The following DUS2 variants were observed in gnomAD, a reference collection of about 807,000 sequenced individuals.
DUS2 encodes the protein tRNA-dihydrouridine(20) synthase [NAD(P)+]-like.
In DUS2, 52 loss-of-function variants were observed where a neutral mutation model predicts 71.3. The ratio of observed to expected loss-of-function variants is 0.73; its 90% CI spans 0.58 to 0.92. The LOEUF (loss-of-function observed/expected upper bound fraction) is 0.92. Ranked by LOEUF, DUS2 falls within the 40% of genes least tolerant of loss-of-function variation. DUS2 has a pLI of 0.00. For synonymous variants in DUS2, 204 were observed against 227.8 expected, an observed-to-expected ratio of 0.90 and a Z score of 0.94; for missense variants, 558 against 622.6, an observed-to-expected ratio of 0.90 and a Z score of 1.10.
In DUS2 at chr16:68,064,056, A is replaced by G. The variant is rs146074009; in HGVS notation, c.418-2261A>G. Among the ~76,000 whole-genome samples the G allele has an allele frequency of 4.1e-3, 618 of 152,320 alleles. 5 individuals carry two copies. The highest frequency in any genetic ancestry group is 0.014 in the African/African-American group (588 of 41,566). The stretch of plus-strand genomic sequence containing the variant: ...GCCATGGCTGACAATTGGCAGGGCC[A>G]GGACATGAACTCAGGTCTCAGTGCT... On this transcript the variant is annotated intron_variant, in intron 8 of 16. Coordinates refer to ENST00000565263, the MANE Select transcript of DUS2 (RefSeq NM_017803.5).
intron 3 of DUS2, among the ~76,000 whole-genome samples, chr16:68,048,684 C>T (rs1598306777): frequency 6.6e-6 from 1 of 152,232 alleles, no homozygotes. Flanking sequence ...GGTCATTGTG[C>T]CCACTTGGCT....
intron 4 of DUS2, 47 bp downstream of exon 4, chr16:68,049,597 T>A (rs374105314): frequency 6.3e-7 from 1 of 1,581,738 alleles, no homozygotes; most frequent in Non-Finnish European, 8.7e-7. Context: ...CCTGCTGGGC[T>A]CAAGCAGCAC....
At chr16:68,073,833 C>T (rs559071911) in intron 12 of DUS2, among the ~76,000 whole-genome samples, 14 of 152,130 alleles carry the variant, frequency 9.2e-5, no homozygotes, top group Non-Finnish European at 1.9e-4. Context: ...AAGCAGTCCT[C>T]CTGCATTGGC....
chr16:68,051,706 AG>A (rs2033781126), intron 4 of DUS2, among the ~76,000 whole-genome samples: 1 of 152,094 alleles, frequency 6.6e-6, no homozygotes, highest in Admixed American at 6.6e-5. Context: ...TTCTGTTTAA[AG>A]GCATATTATT....
At chr16:68,024,568 G>A (rs1242349670) in intron 1 of DUS2, among the ~76,000 whole-genome samples, 4 of 152,084 alleles carry the variant, frequency 2.6e-5, no homozygotes, top group African/African-American at 9.7e-5. Context: ...TAAAAACTTT[G>A]CTTTTTTTGG....
At chr16:68,066,763 A>AT in intron 10 of DUS2, 127 bp downstream of exon 10, 1 of 925,678 alleles carries the variant, frequency 1.1e-6, no homozygotes, top group Non-Finnish European at 1.7e-6. Context: ...ACCTCTGCCT[A>AT]GCTCTTTGAT....
chr16:68,076,025 T>C (rs753664948), intron 14 of DUS2, among the ~76,000 whole-genome samples: 1 of 152,154 alleles, frequency 6.6e-6, no homozygotes, highest in African/African-American at 2.4e-5. Context: ...CAGTCTTGTC[T>C]GGCAGAGGTG....
At chr16:68,036,778 C>T (rs2033536503) in intron 2 of DUS2, among the ~76,000 whole-genome samples, 1 of 152,146 alleles carries the variant, frequency 6.6e-6, no homozygotes, top group Non-Finnish European at 1.5e-5. Flanking sequence ...TCCTGCTGTT[C>T]CTCTAACACA....
Position 68,046,073 on chromosome 16 carries a change from G to A in DUS2, c.127-3432G>A, listed in dbSNP as rs531312865. Among the ~76,000 whole-genome samples the A allele has an allele frequency of 1.7e-4, 26 of 152,156 alleles. No homozygotes were observed. In the South Asian group the frequency reaches 5.4e-3, roughly 32 times the overall value. ...TTATTTTCAAAATTTTAGATTCAGG[G>A]GTATATATGCGGATTTGTTACAAGG... On this transcript the variant is annotated intron_variant, in intron 3 of 16. Coordinates refer to ENST00000565263, the MANE Select transcript of DUS2 (RefSeq NM_017803.5).
intron 8 of DUS2, among the ~76,000 whole-genome samples, chr16:68,066,030 C>T (rs1054074992): frequency 2.0e-5 from 3 of 152,162 alleles, no homozygotes; most frequent in Non-Finnish European, 4.4e-5. Context: ...GAGCTGCACA[C>T]AGGTGTACAC....
At chr16:68,063,815 C>T (rs1449455823) in intron 8 of DUS2, among the ~76,000 whole-genome samples, 3 of 152,200 alleles carry the variant, frequency 2.0e-5, no homozygotes, top group Admixed American at 6.5e-5. Context: ...CATCCACCTC[C>T]TGGGTTCAAG....
At chr16:68,028,582 T>C (rs1466883039) in intron 2 of DUS2, among the ~76,000 whole-genome samples, 1 of 152,140 alleles carries the variant, frequency 6.6e-6, no homozygotes, top group East Asian at 1.9e-4. Flanking sequence ...GAGGTTGCAG[T>C]GAGCTGAGAT....
chr16:68,062,341 C>A (rs1249749301), intron 8 of DUS2, among the ~76,000 whole-genome samples: 1 of 151,920 alleles, frequency 6.6e-6, no homozygotes, highest in East Asian at 1.9e-4. Flanking sequence ...TCCTGAAACC[C>A]CTTGAAGTAG....
At chr16:68,039,674 G>A (rs2033592519) in intron 3 of DUS2, among the ~76,000 whole-genome samples, 1 of 152,168 alleles carries the variant, frequency 6.6e-6, no homozygotes. Flanking sequence ...TCACGTCTCC[G>A]CCTTCCAAAG....
At chr16:68,077,969 A>C in intron 15 of DUS2, 1 of 134,036 alleles carries the variant, frequency 7.5e-6, no homozygotes, top group Non-Finnish European at 1.5e-5. Context: ...GCAGCTCCCC[A>C]GTATCTGAAG....
chr16:68,067,953 C>T (rs2034033060), intron 10 of DUS2, among the ~76,000 whole-genome samples: 1 of 152,254 alleles, frequency 6.6e-6, no homozygotes, highest in African/African-American at 2.4e-5. Flanking sequence ...AGCCACCATA[C>T]CCAACCTATT....
intron 12 of DUS2, among the ~76,000 whole-genome samples, chr16:68,073,157 C>T (rs1343111478): frequency 1.3e-5 from 2 of 152,242 alleles, no homozygotes; most frequent in Non-Finnish European, 2.9e-5. Flanking sequence ...AGACCTCAGT[C>T]AGGCTGTCCA....
intron 3 of DUS2, among the ~76,000 whole-genome samples, chr16:68,048,263 G>A (rs753824255): frequency 6.6e-6 from 1 of 152,176 alleles, no homozygotes; most frequent in Non-Finnish European, 1.5e-5. Flanking sequence ...GATGTGGTAC[G>A]TGTCTTACTT....
intron 1 of DUS2, among the ~76,000 whole-genome samples, chr16:68,024,862 C>T (rs1187458619): frequency 1.1e-4 from 16 of 147,306 alleles, no homozygotes; most frequent in African/African-American, 4.0e-4. Flanking sequence ...TAGACAGTCT[C>T]ACTGTGTTGC....
Sources: gnomAD v4.1 joint callset for allele counts (sites outside exome capture counted in the v4.1 genomes callset) on GRCh38, gnomAD v4.1.1 for gene constraint, MANE v1.5 for transcripts, NCBI Gene and HGNC (gene_info 2026-07-23, HGNC 2026-07-21) for gene names.